NR2C2: variants seen among roughly 807,000 people sequenced by gnomAD.
The protein encoded by NR2C2 is Nuclear hormone receptor TR4.
Under a neutral mutation model 62.9 loss-of-function variants are expected in NR2C2, and 6 were observed. The observed-to-expected ratio is 0.10, with a 90% CI of 0.05 to 0.19. The LOEUF (loss-of-function observed/expected upper bound fraction) is 0.19, where lower values mean the gene tolerates loss of function less well. Ranked by LOEUF, NR2C2 falls within the 10% of genes least tolerant of loss-of-function variation. The pLI is 1.00. For synonymous variants in NR2C2, 272 were observed against 273.8 expected, an observed-to-expected ratio of 0.99 and a Z score of 0.07; for missense variants, 479 against 762.7, an observed-to-expected ratio of 0.63 and a Z score of 4.38.
At chr3:14,950,644 T>C (rs1207243888) in intron 1 of NR2C2, among the ~76,000 whole-genome samples, 2 of 152,098 alleles carry the variant, frequency 1.3e-5, no homozygotes, top group Non-Finnish European at 2.9e-5. Context: ...TTTATAATCT[T>C]TATCTCACTT....
chr3:14,962,686 G>C (rs73814892), intron 1 of NR2C2, among the ~76,000 whole-genome samples: 1 of 148,962 alleles, frequency 6.7e-6, no homozygotes, highest in African/African-American at 2.5e-5. Flanking sequence ...GCATGAGTAG[G>C]GTGGCCTATC....
intron 1 of NR2C2, among the ~76,000 whole-genome samples, chr3:14,958,151 A>G (rs562350477): frequency 6.6e-6 from 1 of 152,228 alleles, no homozygotes; most frequent in Non-Finnish European, 1.5e-5. Context: ...TTTGCTTTGC[A>G]TAGATACTTC....
intron 12 of NR2C2, 131 bp downstream of exon 12, chr3:15,038,268 A>G: frequency 1.0e-6 from 1 of 962,238 alleles, no homozygotes; most frequent in African/African-American, 1.7e-5. Flanking sequence ...TTCTTATGAT[A>G]GGTGTTTTGC....
At chr3:15,013,980 A>G (rs1229818776) in intron 3 of NR2C2, among the ~76,000 whole-genome samples, 191 bp downstream of exon 3, 2 of 152,200 alleles carry the variant, frequency 1.3e-5, no homozygotes, top group Non-Finnish European at 2.9e-5. Context: ...AAGACAGTCA[A>G]CTATAACACT....
chr3:14,983,588 A>G (rs1182032735), intron 1 of NR2C2, among the ~76,000 whole-genome samples: 1 of 152,172 alleles, frequency 6.6e-6, no homozygotes, highest in Non-Finnish European at 1.5e-5. Flanking sequence ...TGCTAGCCTC[A>G]TAAAATGAGT....
At chr3:15,036,176 C>T (rs973139113) in intron 11 of NR2C2, among the ~76,000 whole-genome samples, 4 of 152,050 alleles carry the variant, frequency 2.6e-5, no homozygotes, top group African/African-American at 4.8e-5. Context: ...GGTGACAGAG[C>T]GAAACTATTT....
intron 4 of NR2C2, among the ~76,000 whole-genome samples, chr3:15,016,784 G>T (rs1220732710): frequency 6.6e-6 from 1 of 152,174 alleles, no homozygotes; most frequent in Non-Finnish European, 1.5e-5. Flanking sequence ...CAGGAGGAGG[G>T]CATTCCAGCA....
At chr3:14,986,084 T>C (rs2040506500) in intron 1 of NR2C2, among the ~76,000 whole-genome samples, 1 of 152,176 alleles carries the variant, frequency 6.6e-6, no homozygotes, top group Non-Finnish European at 1.5e-5. Flanking sequence ...TTCCAATTCC[T>C]TCAGACTCAG....
intron 1 of NR2C2, among the ~76,000 whole-genome samples, chr3:14,974,095 C>A (rs998105404): frequency 1.3e-5 from 2 of 152,138 alleles, no homozygotes; most frequent in African/African-American, 4.8e-5. Flanking sequence ...CAGCAACTCC[C>A]CAATGCCCCC....
At chr3:15,038,916 C>T (rs563567385) in intron 12 of NR2C2, 10 of 564,054 alleles carry the variant, frequency 1.8e-5, no homozygotes, top group African/African-American at 1.7e-4. Context: ...ACTCAGGGTC[C>T]CCGACCCGCT....
intron 1 of NR2C2, among the ~76,000 whole-genome samples, chr3:14,996,708 C>T (rs148495358): frequency 0.011 from 1,662 of 152,212 alleles, 26 homozygotes; most frequent in African/African-American, 0.037. Context: ...GTAGCTGGGA[C>T]TCCAGGCGCC....
intron 1 of NR2C2, among the ~76,000 whole-genome samples, chr3:14,960,098 T>A (rs1313519268): frequency 1.3e-5 from 2 of 152,152 alleles, no homozygotes; most frequent in African/African-American, 4.8e-5. Context: ...ACTGGAACAT[T>A]TCTAAGAAAA....
chr3:14,949,833 CTGTG>C (rs1242579306), intron 1 of NR2C2, among the ~76,000 whole-genome samples: 9 of 152,162 alleles, frequency 5.9e-5, no homozygotes, highest in Non-Finnish European at 1.2e-4. Flanking sequence ...ATATAATTCT[CTGTG>C]TGTGAGTTCT....
chr3:15,002,907 C>G (rs1331067374), intron 1 of NR2C2, among the ~76,000 whole-genome samples: 1 of 151,526 alleles, frequency 6.6e-6, no homozygotes, highest in Non-Finnish European at 1.5e-5. Context: ...ATCCACCCAC[C>G]TCGGCCTCCC....
At chr3:15,013,478 A>T in intron 2 of NR2C2, 111 bp from the exon 3 acceptor site, 1 of 827,166 alleles carries the variant, frequency 1.2e-6, no homozygotes, top group Non-Finnish European at 2.0e-6. Flanking sequence ...TGCATGTTAG[A>T]CAGCATTAAT....
intron 1 of NR2C2, among the ~76,000 whole-genome samples, chr3:14,976,403 T>C (rs548483781): frequency 2.0e-5 from 3 of 152,144 alleles, no homozygotes; most frequent in East Asian, 3.8e-4. Flanking sequence ...GTTGTAAAAC[T>C]CTCCAGATAC....
intron 2 of NR2C2, among the ~76,000 whole-genome samples, chr3:15,006,093 G>A (rs563035470): frequency 6.6e-6 from 1 of 152,204 alleles, no homozygotes; most frequent in South Asian, 2.1e-4. Context: ...TGTAGTCCTA[G>A]CTACTTGGGA....
chr3:15,013,929 T>C (rs1211060438), intron 3 of NR2C2, 140 bp downstream of exon 3: 1 of 817,790 alleles, frequency 1.2e-6, no homozygotes, highest in Non-Finnish European at 2.0e-6. Context: ...GTTGCTGCTT[T>C]GGCCAAAGTA....
Position 15,047,940 on chromosome 3 carries a change from C to T in NR2C2, c.*4932C>T, listed in dbSNP as rs2042513232. ...CAAATTTTCCTCGTCCAGGTCTACT[C>T]GGACGAATTTTCCCCCTTAATCTGG... On this transcript the variant is annotated 3_prime_UTR_variant, in exon 14 of 14. Coordinates refer to ENST00000425241, the MANE Select transcript of NR2C2 (RefSeq NM_001291694.2). The T allele has an allele frequency of 6.6e-6, 1 of 152,388 alleles. No individual in the cohort carries two copies. The highest frequency in any genetic ancestry group is 2.4e-5 in the African/African-American group (1 of 41,562). 9.4% of individuals were successfully genotyped at this position (152,388 alleles called of 1,614,324 possible). A position where few individuals can be genotyped will look rare whatever the true frequency, so the allele number is the denominator to read the frequency against.
Sources: allele counts gnomAD v4.1 joint callset (sites outside exome capture counted in the v4.1 genomes callset), GRCh38; gene constraint gnomAD v4.1.1; transcripts MANE v1.5; gene names NCBI Gene and HGNC (gene_info 2026-07-23, HGNC 2026-07-21).